The following CECR2 variants were observed in gnomAD, a reference collection of about 807,000 sequenced individuals.
The protein encoded by CECR2 is CECR2 histone acetyl-lysine reader.
CECR2 carries 30 observed loss-of-function variants against 154.5 expected under a neutral mutation model. That is an observed-to-expected ratio of 0.19 (90% CI 0.15 to 0.26). The LOEUF is 0.26. Ranked by LOEUF, CECR2 falls within the 10% of genes least tolerant of loss-of-function variation. The pLI is 1.00. For synonymous variants in CECR2, 725 were observed against 683.7 expected (o/e 1.06, Z -0.94); for missense variants, 1,743 against 1,829.3 (o/e 0.95, Z 0.86).
chr22:17,467,726 G>A (rs1336695414), intron 1 of CECR2, among the ~76,000 whole-genome samples: 1 of 152,120 alleles, frequency 6.6e-6, no homozygotes, highest in Non-Finnish European at 1.5e-5. Flanking sequence ...AGGTTGCAGT[G>A]AGCTGAGATC....
chr22:17,498,826 T>C (rs2055681559), intron 3 of CECR2, among the ~76,000 whole-genome samples: 2 of 152,210 alleles, frequency 1.3e-5, no homozygotes, highest in Admixed American at 1.3e-4. Flanking sequence ...TCAGGATTGC[T>C]GTTGGATTCT....
chr22:17,486,638 G>T (rs1041800941), intron 2 of CECR2, among the ~76,000 whole-genome samples: 2 of 152,214 alleles, frequency 1.3e-5, no homozygotes, highest in Non-Finnish European at 2.9e-5. Flanking sequence ...CCATTAGAAA[G>T]AATGTTAGGC....
At chr22:17,393,103 G>A (rs2053756046) in intron 1 of CECR2, among the ~76,000 whole-genome samples, 5 of 152,228 alleles carry the variant, frequency 3.3e-5, no homozygotes, top group South Asian at 4.2e-4. Flanking sequence ...TGTTGCCACC[G>A]TAACCATACC....
chr22:17,554,219 A>G lies in CECR2; in HGVS notation c.*1379A>G, dbSNP rs2056749047. ...TGAAAGGTCACCAAAGTTAGGACCC[A>G]TGTTTTAAACTTTTGAATATTCCAC... On this transcript the variant is annotated 3_prime_UTR_variant, in exon 19 of 19. Coordinates refer to ENST00000262608, the MANE Select transcript of CECR2 (RefSeq NM_001290047.2). 6.6e-6 allele frequency: 1 copy of G among 152,232 alleles called. No individual in the cohort carries two copies. Among genetic ancestry groups the G allele is most frequent in the South Asian group, 2.1e-4 (1 of 4,838 alleles). The allele number at this position is 152,232 out of a possible 1,614,324, so 9.4% of individuals were successfully genotyped here. A position where few individuals can be genotyped will look rare whatever the true frequency, so the allele number is the denominator to read the frequency against.
At chr22:17,388,373 C>G (rs976665502) in intron 1 of CECR2, among the ~76,000 whole-genome samples, 1 of 152,206 alleles carries the variant, frequency 6.6e-6, no homozygotes, top group Non-Finnish European at 1.5e-5. Context: ...TTTAATTCCC[C>G]CATGAGGCAG....
In CECR2 at chr22:17,394,135, C is replaced by T. The variant is rs572686118; in HGVS notation, c.126+24226C>T. 5.3e-5 allele frequency among the ~76,000 whole-genome samples: 8 copies of T among 151,472 alleles called. No homozygotes were observed. In the South Asian group the frequency reaches 1.0e-3, roughly 20 times the overall value. On this transcript the variant is annotated intron_variant, in intron 1 of 18. Coordinates refer to ENST00000262608, the MANE Select transcript of CECR2 (RefSeq NM_001290047.2). Reference sequence around the variant, plus strand: ...CTCCCGACCTCAGGTGATCCACCTGCCTCAGCCTCCCAAAGTGCTGGGATT... The same window carrying T: ...CTCCCGACCTCAGGTGATCCACCTGTCTCAGCCTCCCAAAGTGCTGGGATT...
intron 1 of CECR2, among the ~76,000 whole-genome samples, chr22:17,379,577 TGAAG>T (rs1166429237): frequency 3.0e-5 from 4 of 135,014 alleles, no homozygotes; most frequent in Non-Finnish European, 6.3e-5. Context: ...GGACCTACGT[TGAAG>T]GTGTGTGTGT....
chr22:17,549,041 C>A lies in CECR2; in HGVS notation c.3754C>A (p.Leu1252Met). Reference protein sequence around the residue: ...AMASLQGCETLNAALTSPTRM... With the variant: ...AMASLQGCETMNAALTSPTRM... ...GGCCAGTCTGCAAGGCTGTGAGACACTGAATGCTGCCTTAACTTCTCCAAC... is the reference window on the plus strand; with the variant it reads ...GGCCAGTCTGCAAGGCTGTGAGACAATGAATGCTGCCTTAACTTCTCCAAC... Residue 1252 changes from leucine to methionine, a missense_variant, in exon 17 of 19, where the codon CTG (leucine) becomes ATG (methionine). Transcript: ENST00000262608. 1 of 1,614,042 alleles carries A rather than the reference C, an allele frequency of 6.2e-7. No individual in the cohort carries two copies. Among genetic ancestry groups the A allele is most frequent in the Non-Finnish European group, 8.5e-7 (1 of 1,179,892 alleles).
rs372106397 is a variant in CECR2, at chr22:17,414,215, G to A, written c.126+44306G>A. On this transcript the variant is annotated intron_variant, in intron 1 of 18. Coordinates refer to ENST00000262608, the MANE Select transcript of CECR2 (RefSeq NM_001290047.2). ...TCTCGATCGCCTGACCTCGTGATCC[G>A]CCCGCCTTGGCCTCCCAAAGTGCTG... 1.5e-3 allele frequency among the ~76,000 whole-genome samples: 222 copies of A among 152,086 alleles called. 1 individual carries two copies. Among genetic ancestry groups the A allele is most frequent in the South Asian group, 5.4e-3 (26 of 4,820 alleles).
At chr22:17,479,679 C>T (rs2055271720) in intron 2 of CECR2, among the ~76,000 whole-genome samples, 1 of 151,806 alleles carries the variant, frequency 6.6e-6, no homozygotes. Flanking sequence ...TCTTTAAGAA[C>T]TCCCCTTATC....
intron 1 of CECR2, among the ~76,000 whole-genome samples, chr22:17,457,901 T>A (rs183990438): frequency 1.1e-4 from 16 of 152,304 alleles, no homozygotes; most frequent in Admixed American, 2.0e-4. Context: ...AAAGCTAATC[T>A]TAAAAGCTTA....
intron 1 of CECR2, among the ~76,000 whole-genome samples, chr22:17,363,270 G>A (rs1397770431): frequency 2.7e-5 from 4 of 150,136 alleles, no homozygotes; most frequent in Non-Finnish European, 5.9e-5. Flanking sequence ...GTGCAGTGGC[G>A]CGATCACAGC....
Position 17,553,071 on chromosome 22 carries a change from G to C in CECR2, c.*231G>C. 1.0e-6 allele frequency: 1 copy of C among 953,680 alleles called. No individual in the cohort carries two copies. The highest frequency in any genetic ancestry group is 1.4e-6 in the Non-Finnish European group (1 of 721,392). The allele number at this position is 953,680 out of a possible 1,614,324, so 59.1% of individuals were successfully genotyped here. On this transcript the variant is annotated 3_prime_UTR_variant, in exon 19 of 19. Coordinates refer to ENST00000262608, the MANE Select transcript of CECR2 (RefSeq NM_001290047.2). ...TCGGCCAGGGATCTCTTGCACAGCT[G>C]ATGTAGACAGTCAGGCAAAACTAAT...
Position 17,382,162 on chromosome 22 carries a change from T to C in CECR2, c.126+12253T>C, listed in dbSNP as rs534354964. On this transcript the variant is annotated intron_variant, in intron 1 of 18. Coordinates refer to ENST00000262608, the MANE Select transcript of CECR2 (RefSeq NM_001290047.2). The stretch of plus-strand genomic sequence containing the variant: ...GCCTTGGCCTCCCAAAGTGCTGGGA[T>C]TACAGGCGTGAGCCACTGTGCCCGG... Among the ~76,000 whole-genome samples the C allele has an allele frequency of 1.4e-3, 218 of 152,044 alleles. 2 individuals are homozygous for C. Among genetic ancestry groups the C allele is most frequent in the African/African-American group, 4.4e-3 (181 of 41,458 alleles).
chr22:17,419,672 A>C (rs1230516944), intron 1 of CECR2: 1 of 227,254 alleles, frequency 4.4e-6, no homozygotes, highest in Non-Finnish European at 8.4e-6. Context: ...ATCAACAGTT[A>C]CACAGGCCTT....
intron 2 of CECR2, among the ~76,000 whole-genome samples, chr22:17,487,166 T>C (rs891442092): frequency 1.3e-5 from 2 of 152,234 alleles, no homozygotes; most frequent in Non-Finnish European, 2.9e-5. Context: ...ACATACTTTT[T>C]CTTCTATATT....
intron 4 of CECR2, among the ~76,000 whole-genome samples, chr22:17,500,038 T>C (rs367659802): frequency 2.0e-5 from 3 of 151,950 alleles, no homozygotes; most frequent in Admixed American, 6.6e-5. Flanking sequence ...GGTGAAACCC[T>C]GTCTCTACTA....
Position 17,550,897 on chromosome 22 carries a change from A to G in CECR2, c.4278-1134A>G, listed in dbSNP as rs188482111. On this transcript the variant is annotated intron_variant, in intron 17 of 18. Transcript: ENST00000262608. ...GCGGAGCTTGCAGTGAGCCAAGATC[A>G]TGCCACTGCACTCCAGCCTGGGCAA... Among the ~76,000 whole-genome samples, 643 of 152,136 alleles carry G rather than the reference A, an allele frequency of 4.2e-3. 6 individuals are homozygous for G. Among genetic ancestry groups the G allele is most frequent in the Non-Finnish European group, 4.5e-3 (306 of 67,990 alleles).
At chr22:17,439,609 A>G (rs1223254182) in intron 1 of CECR2, among the ~76,000 whole-genome samples, 1 of 152,230 alleles carries the variant, frequency 6.6e-6, no homozygotes, top group Admixed American at 6.5e-5. Flanking sequence ...GGAAAGGAAA[A>G]GGAATACTCA....
Sources: gnomAD v4.1 joint callset for allele counts (sites outside exome capture counted in the v4.1 genomes callset) on GRCh38, gnomAD v4.1.1 for gene constraint, MANE v1.5 for transcripts, NCBI Gene and HGNC (gene_info 2026-07-23, HGNC 2026-07-21) for gene names.